Variants in RNF43 observed in about 807,000 individuals in gnomAD.
The protein encoded by RNF43 is ring finger protein 43.
RNF43 carries 37 observed loss-of-function variants against 78.4 expected under a neutral mutation model. The ratio of observed to expected loss-of-function variants is 0.47; its 90% CI spans 0.36 to 0.62. The LOEUF (loss-of-function observed/expected upper bound fraction) is 0.62. RNF43 is among the 20% of genes least tolerant of loss of function. The pLI, the probability that RNF43 is intolerant of heterozygous loss-of-function variation, is 0.00. For synonymous variants in RNF43, 347 were observed against 395.0 expected (o/e 0.88, Z 1.44); for missense variants, 774 against 1,007.9 (o/e 0.77, Z 3.14).
chr17:58,393,887 T>A (rs1262419806), intron 2 of RNF43, among the ~76,000 whole-genome samples: 1 of 152,156 alleles, frequency 6.6e-6, no homozygotes, highest in East Asian at 1.9e-4. Flanking sequence ...ACCCCGTCTC[T>A]ACTAAAAATA....
intron 2 of RNF43, among the ~76,000 whole-genome samples, chr17:58,399,329 A>C (rs895656983): frequency 5.9e-5 from 9 of 152,020 alleles, no homozygotes; most frequent in Admixed American, 5.9e-4. Flanking sequence ...TTACCTGAAA[A>C]TTTTTTCAGG....
chr17:58,416,432 A>G, intron 1 of RNF43: 1 of 152,164 alleles, frequency 6.6e-6, no homozygotes, highest in Non-Finnish European at 1.5e-5. Flanking sequence ...TTAGCTTTCC[A>G]ATTATTTTTC....
chr17:58,357,541 A>G lies in RNF43; in HGVS notation c.2235T>C (p.Ser745=), dbSNP rs748964171. ...CCTCTGCGGTGTCAGAACTCCATTC[A>G]GAAGGCCCCTCCCCAGGTGGATGTG... is the stretch of plus-strand genomic sequence containing the variant. ...LEPHPPGEGP[S]EWSSDTAEGR... Residue 745 remains serine (S), a synonymous_variant, in exon 9 of 10, where the codon TCT becomes TCC. Coordinates refer to ENST00000407977, the MANE Select transcript of RNF43 (RefSeq NM_017763.6). This position sits in a 1 kb window ranked among gnomAD's most constrained non-coding sequence, Gnocchi z 4.5. The G allele has an allele frequency of 1.2e-6, 2 of 1,614,222 alleles. No homozygotes were observed. The highest frequency in any genetic ancestry group is 8.5e-7 in the Non-Finnish European group (1 of 1,180,030).
Position 58,357,327 on chromosome 17 carries a change from G to A in RNF43, c.2308+141C>T, listed in dbSNP as rs553850512. The A allele has an allele frequency of 1.8e-5, 19 of 1,060,494 alleles. No individual in the cohort carries two copies. The East Asian group carries it at 2.3e-4, about 13-fold the overall frequency. 65.7% of individuals were successfully genotyped at this position (1,060,494 alleles called of 1,614,324 possible). A position where few individuals can be genotyped will look rare whatever the true frequency, so the allele number is the denominator to read the frequency against. ...TCTAGCCAGCATGATACGCTGTCCCGATGGTTAAGTATTTTGGTTGTCATC... is the reference window on the plus strand; with the variant it reads ...TCTAGCCAGCATGATACGCTGTCCCAATGGTTAAGTATTTTGGTTGTCATC... On this transcript the variant is annotated intron_variant, in intron 9 of 9. Transcript: ENST00000407977. The surrounding 1 kb of genome is among the most constrained non-coding windows in gnomAD (Gnocchi z 4.5).
chr17:58,379,187 T>G (rs1366021633), intron 2 of RNF43, among the ~76,000 whole-genome samples: 1 of 152,116 alleles, frequency 6.6e-6, no homozygotes, highest in African/African-American at 2.4e-5. Flanking sequence ...AGGTGAGTAC[T>G]GTAATATAAT....
intron 2 of RNF43, among the ~76,000 whole-genome samples, chr17:58,378,283 G>T (rs1973247429): frequency 6.6e-6 from 1 of 151,850 alleles, no homozygotes; most frequent in Non-Finnish European, 1.5e-5. Flanking sequence ...TTTGAGATAG[G>T]GTCTTGCTCT....
intron 6 of RNF43, among the ~76,000 whole-genome samples, chr17:58,362,228 T>A (rs933035729): frequency 6.6e-6 from 1 of 152,172 alleles, no homozygotes; most frequent in Admixed American, 6.5e-5. Context: ...TTATTTAGTC[T>A]GTTTATTGTC....
intron 2 of RNF43, among the ~76,000 whole-genome samples, chr17:58,381,088 A>C (rs1263378666): frequency 6.6e-6 from 1 of 152,250 alleles, no homozygotes; most frequent in East Asian, 1.9e-4. Flanking sequence ...TACATTGCAA[A>C]GTGGCAAAAT....
At chr17:58,371,117 A>G in intron 2 of RNF43, 84 bp from the exon 3 acceptor site, 1 of 1,349,754 alleles carries the variant, frequency 7.4e-7, no homozygotes, top group Non-Finnish European at 9.9e-7. Flanking sequence ...CCATTTTTCT[A>G]GGGAGGTACC....
intron 2 of RNF43, among the ~76,000 whole-genome samples, chr17:58,403,254 G>C (rs1416130559): frequency 6.6e-6 from 1 of 152,082 alleles, no homozygotes; most frequent in Non-Finnish European, 1.5e-5. Context: ...ATATTCTTTG[G>C]GGGACTTGCT....
rs1567872696 is a variant in RNF43 at position 58,357,646 on chromosome 17, C to CA, written c.2129dup (p.Leu711AlafsTer36). 1 of 1,613,786 alleles carries CA rather than the reference C, an allele frequency of 6.2e-7. No homozygotes were observed. Among genetic ancestry groups the CA allele is most frequent in the Admixed American group, 1.7e-5 (1 of 60,020 alleles). ...AACAGGGGCCTGGGGTTTCTGGTAG[C>CA]AGCCTCTTGTCCAGGCCTGGAGGTC... On this transcript the variant is annotated frameshift_variant, in exon 9 of 10. Transcript: ENST00000407977. LOFTEE classifies it high-confidence loss of function. This position sits in a 1 kb window ranked among gnomAD's most constrained non-coding sequence, Gnocchi z 4.5.
In RNF43 at chr17:58,357,299, C is replaced by T. The variant is rs574818277; in HGVS notation, c.2308+169G>A. ...ACCTGGCAGAGGTGGGGTGTTCCTG[C>T]ACTCTAGCCAGCATGATACGCTGTC... On this transcript the variant is annotated intron_variant, in intron 9 of 9. Coordinates refer to ENST00000407977, the MANE Select transcript of RNF43 (RefSeq NM_017763.6). The surrounding 1 kb of genome is among the most constrained non-coding windows in gnomAD (Gnocchi z 4.5). 7.4e-5 allele frequency: 64 copies of T among 870,740 alleles called. No individual in the cohort carries two copies. In the African/African-American group the frequency reaches 9.5e-4, roughly 13 times the overall value. The allele number at this position is 870,740 out of a possible 1,614,324, so 53.9% of individuals were successfully genotyped here.
intron 2 of RNF43, among the ~76,000 whole-genome samples, chr17:58,395,403 C>T (rs1435411293): frequency 6.6e-6 from 1 of 152,154 alleles, no homozygotes; most frequent in Non-Finnish European, 1.5e-5. Context: ...CATCCAAATC[C>T]ACTACCACAG....
chr17:58,415,826 T>G lies in RNF43; in HGVS notation c.-249A>C, dbSNP rs747579637. ...TGCAGGTATGTCATTTTCTCCCATC[T>G]TCACTGTGACTAGTAAAGATCTCAC... On this transcript the variant is annotated 5_prime_UTR_variant, in exon 2 of 10. Transcript: ENST00000407977. 1.1e-5 allele frequency: 6 copies of G among 553,696 alleles called. No homozygotes were observed. Among genetic ancestry groups the G allele is most frequent in the Admixed American group, 9.3e-5 (3 of 32,186 alleles). 34.3% of individuals were successfully genotyped at this position (553,696 alleles called of 1,614,324 possible). A position where few individuals can be genotyped will look rare whatever the true frequency, so the allele number is the denominator to read the frequency against.
Position 58,382,849 on chromosome 17 carries a change from T to C in RNF43, c.253-11816A>G, listed in dbSNP as rs923657935. ...TGCACAGAGCACAGCACATAAACACTGGGGTAATGTGGAATGATGGACTAA... is the reference window on the plus strand; with the variant it reads ...TGCACAGAGCACAGCACATAAACACCGGGGTAATGTGGAATGATGGACTAA... On this transcript the variant is annotated intron_variant, in intron 2 of 9. Coordinates refer to ENST00000407977, the MANE Select transcript of RNF43 (RefSeq NM_017763.6). Among the ~76,000 whole-genome samples the C allele has an allele frequency of 9.9e-5, 15 of 152,156 alleles. 1 individual carries two copies. Among genetic ancestry groups the C allele is most frequent in the African/African-American group, 3.1e-4 (13 of 41,420 alleles).
In RNF43 at chr17:58,358,162, G is replaced by A. The variant is rs770262601; in HGVS notation, c.1614C>T (p.Pro538=). ...GGCTGGAAACCTGGGTTTCCCCTGT[G>A]GGCACCACCGAGTCCAAGGAACGAG... ...SRPRSLDSVV[P]TGETQVSSHV... Residue 538 remains proline, a synonymous_variant, in exon 9 of 10, where the codon CCC becomes CCT. Coordinates refer to ENST00000407977, the MANE Select transcript of RNF43 (RefSeq NM_017763.6). The surrounding 1 kb of genome is among the most constrained non-coding windows in gnomAD (Gnocchi z 6.2). The A allele has an allele frequency of 1.2e-6, 2 of 1,612,500 alleles. No individual in the cohort carries two copies. The highest frequency in any genetic ancestry group is 2.2e-5 in the East Asian group (1 of 44,846).
chr17:58,369,179 A>G (rs1187733830), intron 3 of RNF43, among the ~76,000 whole-genome samples: 5 of 152,200 alleles, frequency 3.3e-5, no homozygotes, highest in Non-Finnish European at 4.4e-5. Context: ...ATTTGCCCAT[A>G]TTTTGTAAGG....
chr17:58,389,190 T>C (rs905667533), intron 2 of RNF43, among the ~76,000 whole-genome samples: 2 of 152,138 alleles, frequency 1.3e-5, no homozygotes, highest in Non-Finnish European at 2.9e-5. Flanking sequence ...TGAACTCTGG[T>C]AGTAATAGTT....
intron 2 of RNF43, chr17:58,395,077 A>G (rs1051737835): frequency 6.6e-6 from 1 of 152,244 alleles, no homozygotes; most frequent in Non-Finnish European, 1.5e-5. Context: ...GTTTGGACAG[A>G]TTGACAGTAT....
Sources: allele counts gnomAD v4.1 joint callset (sites outside exome capture counted in the v4.1 genomes callset), GRCh38; gene constraint gnomAD v4.1.1; non-coding constraint Gnocchi (gnomAD v3.1); transcripts MANE v1.5; gene names NCBI Gene and HGNC (gene_info 2026-07-23, HGNC 2026-07-21).